CCDC180: variants seen among roughly 807,000 people sequenced by gnomAD.
The protein encoded by CCDC180 is coiled-coil domain-containing protein 180.
In CCDC180, 154 loss-of-function variants were observed where a neutral mutation model predicts 209.2. The observed-to-expected ratio is 0.74, with a 90% confidence interval of 0.65 to 0.84. The LOEUF (loss-of-function observed/expected upper bound fraction) is 0.84. Among genes scored for constraint, CCDC180 ranks in the 40% least tolerant of loss-of-function variants. The pLI, the probability that CCDC180 is intolerant of heterozygous loss-of-function variation, is 0.00. For synonymous variants in CCDC180, 778 were observed against 749.1 expected (o/e 1.04, Z -0.63); for missense variants, 1,874 against 1,997.3 (o/e 0.94, Z 1.18).
intron 6 of CCDC180, 45 bp from the exon 7 acceptor site, chr9:97,314,573 C>T (rs1313134392): frequency 1.9e-6 from 3 of 1,613,468 alleles, no homozygotes. Context: ...TGCTTCTTCC[C>T]TGCCTCCCAC....
At chr9:97,337,435 C>T (rs961684639) in intron 18 of CCDC180, among the ~76,000 whole-genome samples, 2 of 152,046 alleles carry the variant, frequency 1.3e-5, no homozygotes, top group African/African-American at 4.8e-5. Context: ...TGGGTTTTGT[C>T]TTTGGTTCTG....
Position 97,309,616 on chromosome 9 carries a change from TGTC to T in CCDC180, c.260+13_260+15del. 6.5e-7 allele frequency: 1 copy of T among 1,539,228 alleles called. No individual in the cohort carries two copies. The highest frequency in any genetic ancestry group is 8.7e-7 in the Non-Finnish European group (1 of 1,147,258). The stretch of plus-strand genomic sequence containing the variant: ...CCTGTTCTCCACAGGTAGGTCCTGT[TGTC>T]CATGCCTCACCCCCATGCACTAGGG... On this transcript the variant is annotated intron_variant, in intron 3 of 36. Transcript: ENST00000529487.
At position 97,366,488 on chromosome 9, in the gene CCDC180, TG is replaced by T; in HGVS notation, c.4048-69del. The T allele has an allele frequency of 6.6e-7, 1 of 1,516,826 alleles. No homozygotes were observed. Among genetic ancestry groups the T allele is most frequent in the Non-Finnish European group, 9.0e-7 (1 of 1,109,902 alleles). The allele number at this position is 1,516,826 out of a possible 1,614,324, so 94.0% of individuals were successfully genotyped here. On this transcript the variant is annotated intron_variant, in intron 30 of 36. Transcript: ENST00000529487. This position sits in a 1 kb window ranked among gnomAD's most constrained non-coding sequence, Gnocchi z 4.3. ...AGGGAGTGTGGAGGTGAGGGCAGGC[TG>T]GTGGATCCCAGGAGCAAGGGCCAGA...
chr9:97,322,276 C>T (rs945628198), intron 11 of CCDC180, among the ~76,000 whole-genome samples: 2 of 152,122 alleles, frequency 1.3e-5, no homozygotes, highest in African/African-American at 4.8e-5. Flanking sequence ...CTCCCCAGCC[C>T]TGGACAAAGA....
chr9:97,325,042 T>G lies in CCDC180; in HGVS notation c.1395T>G (p.Asp465Glu), dbSNP rs1458280952. The G allele has an allele frequency of 6.2e-7, 1 of 1,613,858 alleles. No homozygotes were observed. The highest frequency in any genetic ancestry group is 8.5e-7 in the Non-Finnish European group (1 of 1,179,958). Residue 465 changes from aspartate to glutamate, a missense_variant, in exon 14 of 37, where the codon GAT (aspartate) becomes GAG (glutamate). Transcript: ENST00000529487. ...AGAAATCCTTCGAGACTCTGGCAGA[T>G]CAGACAGAGTGGCAGAGTTCACACC... is the stretch of plus-strand genomic sequence containing the variant. The part of the protein sequence containing the change: ...LLDKSFETLA[D>E]QTEWQSSHLF...
chr9:97,309,682 A>G, intron 3 of CCDC180, 78 bp downstream of exon 3: 1 of 1,200,868 alleles, frequency 8.3e-7, no homozygotes, highest in Non-Finnish European at 1.1e-6. Context: ...AGCCAGCACA[A>G]GATGAGTAGC....
At chr9:97,353,673 A>G (rs1277449221) in intron 22 of CCDC180, among the ~76,000 whole-genome samples, 4 of 152,148 alleles carry the variant, frequency 2.6e-5, no homozygotes, top group African/African-American at 9.7e-5. Flanking sequence ...TCTCTGCTTG[A>G]GGTTTTTTGG....
In CCDC180 at chr9:97,370,671, C is replaced by T. The variant is rs370162399; in HGVS notation, c.4381C>T (p.Leu1461Phe). Residue 1461 changes from leucine to phenylalanine, a missense_variant, in exon 33 of 37, where the codon CTT becomes TTT. Leu to Phe is a conservative substitution (Grantham distance 22). Coordinates refer to ENST00000529487, the MANE Select transcript of CCDC180 (RefSeq NM_020893.6). ...DKNAQKLHLN[L>F]GHPVHFQEME... ...AAATGCCCAGAAGCTCCATCTAAAT[C>T]TTGGACACCCCGTACATTTCCAAGA... 2.7e-5 allele frequency: 43 copies of T among 1,614,068 alleles called. No homozygotes were observed. The highest frequency in any genetic ancestry group is 3.5e-5 in the Non-Finnish European group (41 of 1,180,010).
chr9:97,359,166 C>CA (rs1826678911), intron 25 of CCDC180, among the ~76,000 whole-genome samples: 1 of 152,222 alleles, frequency 6.6e-6, no homozygotes, highest in Admixed American at 6.5e-5. Context: ...TATGAGCCCC[C>CA]TAATGAGGAG....
intron 21 of CCDC180, 40 bp downstream of exon 21, chr9:97,349,331 C>G: frequency 6.6e-7 from 1 of 1,510,028 alleles, no homozygotes. Context: ...CCATGTGGCT[C>G]TGGAATCCCA....
chr9:97,350,385 C>T (rs1322248638), intron 21 of CCDC180, 24 bp from the exon 22 acceptor site: 3 of 1,534,276 alleles, frequency 2.0e-6, no homozygotes, highest in African/African-American at 2.7e-5. Flanking sequence ...CATCACTGTC[C>T]TGTTCCTCCT....
intron 18 of CCDC180, among the ~76,000 whole-genome samples, chr9:97,335,458 T>C (rs542038651): frequency 1.3e-5 from 2 of 152,326 alleles, no homozygotes; most frequent in Admixed American, 1.3e-4. Flanking sequence ...GATAGTTTGC[T>C]CAGAATGATG....
At chr9:97,312,870 A>T (rs1421356289) in intron 4 of CCDC180, among the ~76,000 whole-genome samples, 2 of 152,128 alleles carry the variant, frequency 1.3e-5, no homozygotes, top group Admixed American at 1.3e-4. Context: ...GAGGCTAGGA[A>T]TGGAAGCCAC....
chr9:97,368,539 G>A (rs1276857834), intron 31 of CCDC180, among the ~76,000 whole-genome samples: 1 of 151,964 alleles, frequency 6.6e-6, no homozygotes, highest in Non-Finnish European at 1.5e-5. Context: ...CATGGTACTG[G>A]GTGAAGAAAA....
At chr9:97,367,967 T>TC (rs1826973967) in intron 31 of CCDC180, among the ~76,000 whole-genome samples, 1 of 152,198 alleles carries the variant, frequency 6.6e-6, no homozygotes, top group African/African-American at 2.4e-5. Flanking sequence ...GCTCAGAATT[T>TC]CCCCCAAGTG....
At position 97,330,686 on chromosome 9, in the gene CCDC180, A is replaced by AGAG. The variant is rs113264216; in HGVS notation, c.2206_2208dup (p.Glu736dup). 1.8e-4 allele frequency: 272 copies of AGAG among 1,541,808 alleles called. No homozygotes were observed. Among genetic ancestry groups the AGAG allele is most frequent in the Admixed American group, 3.4e-4 (19 of 55,250 alleles). ...CAGAGGAGGAAGATGAGAAGGAGGA[A>AGAG]GAGGAGGAGGAGGAGAAGCTGGAGG... On this transcript the variant is annotated inframe_insertion, in exon 18 of 37. Coordinates refer to ENST00000529487, the MANE Select transcript of CCDC180 (RefSeq NM_020893.6).
intron 8 of CCDC180, among the ~76,000 whole-genome samples, chr9:97,315,481 A>C (rs1486967309): frequency 2.0e-5 from 3 of 151,770 alleles, no homozygotes; most frequent in Non-Finnish European, 4.4e-5. Flanking sequence ...TGCCCCTAGC[A>C]CCCCTCCCCA....
intron 18 of CCDC180, among the ~76,000 whole-genome samples, chr9:97,342,701 A>G (rs1587813541): frequency 6.6e-6 from 1 of 152,022 alleles, no homozygotes; most frequent in African/African-American, 2.4e-5. Flanking sequence ...CTCCTTCTCA[A>G]TTCCTCTTTA....
rs781473968 is a variant in CCDC180, at chr9:97,366,535, G to T, written c.4048-24G>T. On this transcript the variant is annotated intron_variant, in intron 30 of 36. Coordinates refer to ENST00000529487, the MANE Select transcript of CCDC180 (RefSeq NM_020893.6). This position sits in a 1 kb window ranked among gnomAD's most constrained non-coding sequence, Gnocchi z 4.3. The stretch of plus-strand genomic sequence containing the variant: ...CCAGAGTCCCATGGAGTCCTCACCC[G>T]CACATGGTCACCCTCTCTGGCAGGA... 1.2e-6 allele frequency: 2 copies of T among 1,611,508 alleles called. No homozygotes were observed. Among genetic ancestry groups the T allele is most frequent in the Non-Finnish European group, 1.7e-6 (2 of 1,178,704 alleles).
Sources: gnomAD v4.1 joint callset for allele counts (sites outside exome capture counted in the v4.1 genomes callset) on GRCh38, gnomAD v4.1.1 for gene constraint, Gnocchi (gnomAD v3.1) non-coding constraint, MANE v1.5 for transcripts, NCBI Gene and HGNC (gene_info 2026-07-23, HGNC 2026-07-21) for gene names.